Variants in TRIO observed in about 807,000 individuals in gnomAD.
TRIO encodes triple functional domain protein.
Under a neutral mutation model 351.9 loss-of-function variants are expected in TRIO, and 58 were observed. That is an observed-to-expected ratio of 0.16 (90% CI 0.13 to 0.21). The LOEUF (loss-of-function observed/expected upper bound fraction) is 0.21. TRIO is among the 10% of genes least tolerant of loss of function. The probability of loss-of-function intolerance (pLI) is 1.00; values close to 1 mark genes in which losing one functional copy is unlikely to be tolerated. For synonymous variants in TRIO, 1,758 were observed against 1,595.7 expected, an observed-to-expected ratio of 1.10 and a Z score of -2.42; for missense variants, 3,201 against 4,027.8, an observed-to-expected ratio of 0.79 and a Z score of 5.56.
At position 14,356,730 on chromosome 5, in the gene TRIO, C is replaced by CAGCA. The variant is rs1216410465; in HGVS notation, c.2047-1447_2047-1444dup. 5.1e-4 allele frequency among the ~76,000 whole-genome samples: 78 copies of CAGCA among 152,266 alleles called. 1 individual carries two copies. The highest frequency in any genetic ancestry group is 1.8e-3 in the African/African-American group (74 of 41,538). ...AACTGGAAATAACCGAGATGCCCAC[C>CAGCA]AGCAGATGAAGGGATCAATTGTGGT... On this transcript the variant is annotated intron_variant, in intron 11 of 56. Transcript: ENST00000344204.
chr5:14,316,793 A>G (rs750705841), intron 9 of TRIO, 50 bp downstream of exon 9: 3 of 1,543,110 alleles, frequency 1.9e-6, no homozygotes, highest in Non-Finnish European at 2.6e-6. Flanking sequence ...TGTGTTGAGT[A>G]GAGTTTAAAT....
intron 41 of TRIO, among the ~76,000 whole-genome samples, chr5:14,477,535 A>G (rs967885933): frequency 3.5e-4 from 54 of 152,330 alleles, no homozygotes; most frequent in African/African-American, 1.2e-3. Flanking sequence ...TCACACACAT[A>G]TAGTTAGAAA....
rs139550010 is a variant in TRIO, at chr5:14,406,107, A to C, written c.4859+117A>C. The C allele has an allele frequency of 7.5e-4, 1,048 of 1,393,666 alleles. 6 individuals are homozygous for C. In the African/African-American group the frequency reaches 0.014, roughly 18 times the overall value. The allele number at this position is 1,393,666 out of a possible 1,614,324, so 86.3% of individuals were successfully genotyped here. A position where few individuals can be genotyped will look rare whatever the true frequency, so the allele number is the denominator to read the frequency against. ...AAACATTTTGAGGAATACATTTTTT[A>C]AACTGCCATTTGTGGATAACATCAT... On this transcript the variant is annotated intron_variant, in intron 32 of 56. Transcript: ENST00000344204.
intron 33 of TRIO, among the ~76,000 whole-genome samples, chr5:14,410,007 G>T (rs905871055): frequency 3.3e-5 from 5 of 152,078 alleles, no homozygotes; most frequent in Admixed American, 6.5e-5. Context: ...TGACACTCCA[G>T]ACTCAGTTTC....
chr5:14,415,400 G>A (rs530424703), intron 33 of TRIO, among the ~76,000 whole-genome samples: 65 of 152,256 alleles, frequency 4.3e-4, no homozygotes, highest in African/African-American at 1.4e-3. Flanking sequence ...TATTGCCGCC[G>A]TCTATCGAGA....
chr5:14,383,877 G>A (rs771485951), intron 21 of TRIO, among the ~76,000 whole-genome samples: 1 of 152,148 alleles, frequency 6.6e-6, no homozygotes, highest in African/African-American at 2.4e-5. Context: ...TGCTTTTACT[G>A]TATAGAGAAT....
chr5:14,271,821 GTTT>G (rs1269198624), intron 2 of TRIO, among the ~76,000 whole-genome samples: 1 of 152,208 alleles, frequency 6.6e-6, no homozygotes, highest in Non-Finnish European at 1.5e-5. Context: ...GCTTTTATAA[GTTT>G]TTCTGTCCTT....
intron 8 of TRIO, among the ~76,000 whole-genome samples, chr5:14,308,243 A>G (rs1165847956): frequency 3.9e-5 from 6 of 152,056 alleles, no homozygotes; most frequent in Non-Finnish European, 5.9e-5. Flanking sequence ...CCATCCGTCT[A>G]TCTCTGCATC....
At chr5:14,416,622 TG>T (rs1749666417) in intron 33 of TRIO, among the ~76,000 whole-genome samples, 2 of 152,270 alleles carry the variant, frequency 1.3e-5, no homozygotes, top group South Asian at 4.1e-4. Flanking sequence ...TTATTTCTTA[TG>T]TGCTGTCAAG....
intron 1 of TRIO, among the ~76,000 whole-genome samples, chr5:14,265,391 T>G (rs1357492382): frequency 6.7e-6 from 1 of 149,628 alleles, no homozygotes; most frequent in Non-Finnish European, 1.5e-5. Context: ...TCTGCCAGTG[T>G]CCTGGGAGAA....
At position 14,227,051 on chromosome 5, in the gene TRIO, A is replaced by T. The variant is rs116774849; in HGVS notation, c.158-43774A>T. Among the ~76,000 whole-genome samples, 468 of 152,312 alleles carry T rather than the reference A, an allele frequency of 3.1e-3. 3 individuals carry two copies. Among genetic ancestry groups the T allele is most frequent in the African/African-American group, 0.011 (455 of 41,566 alleles). On this transcript the variant is annotated intron_variant, in intron 1 of 56. Coordinates refer to ENST00000344204, the MANE Select transcript of TRIO (RefSeq NM_007118.4). ...AACTCACAACTGCTGGGACATGGAGAGTTGAGGCACATGAGACAGCTTTGG... is the reference window on the plus strand; with the variant it reads ...AACTCACAACTGCTGGGACATGGAGTGTTGAGGCACATGAGACAGCTTTGG...
intron 1 of TRIO, among the ~76,000 whole-genome samples, chr5:14,208,161 CCTT>C (rs1791659146): frequency 6.8e-6 from 1 of 147,074 alleles, no homozygotes; most frequent in African/African-American, 2.5e-5. Flanking sequence ...CTGTGTATCT[CCTT>C]CTAAATAAAT....
chr5:14,369,458 T>C lies in TRIO; in HGVS notation c.3151T>C (p.Ser1051Pro). The C allele has an allele frequency of 1.2e-6, 2 of 1,614,074 alleles. No homozygotes were observed. Among genetic ancestry groups the C allele is most frequent in the Non-Finnish European group, 1.7e-6 (2 of 1,180,020 alleles). Reference sequence around the variant, plus strand: ...CGGGGCGGATAAGCTGGGCCCAAACTCTGAGACGGACCACGTGACGCCCAT... The same window carrying C: ...CGGGGCGGATAAGCTGGGCCCAAACCCTGAGACGGACCACGTGACGCCCAT... ...CGGADKLGPN[S>P]ETDHVTPMIS... The change falls in exon 18 of 57, where the codon TCT (serine) becomes CCT (proline). Residue 1051 changes from serine to proline, a missense_variant. Around this residue, in one of 19 missense-constraint regions of TRIO, gnomAD observed 363 missense variants for 553.5 expected, o/e 0.66. Coordinates refer to ENST00000344204, the MANE Select transcript of TRIO (RefSeq NM_007118.4).
chr5:14,298,773 AT>A (rs1237753148), intron 7 of TRIO, among the ~76,000 whole-genome samples: 1 of 152,190 alleles, frequency 6.6e-6, no homozygotes, highest in Admixed American at 6.5e-5. Flanking sequence ...AATGGTAAGG[AT>A]TTTTCTACTT....
chr5:14,238,069 A>G (rs903178727), intron 1 of TRIO, among the ~76,000 whole-genome samples: 3 of 152,226 alleles, frequency 2.0e-5, no homozygotes, highest in Non-Finnish European at 4.4e-5. Flanking sequence ...TTAAGTGATT[A>G]TAATATTTAG....
intron 32 of TRIO, 28 bp from the exon 33 acceptor site, chr5:14,406,545 G>C: frequency 1.2e-6 from 2 of 1,609,318 alleles, no homozygotes; most frequent in Non-Finnish European, 1.7e-6. Context: ...AGCAGCATCA[G>C]GAACTAAAAG....
At chr5:14,459,215 G>A (rs1040575390) in intron 34 of TRIO, among the ~76,000 whole-genome samples, 74 of 152,286 alleles carry the variant, frequency 4.9e-4, no homozygotes, top group African/African-American at 1.7e-3. Context: ...TCCCAGCGTC[G>A]GAAGCACTTG....
intron 28 of TRIO, among the ~76,000 whole-genome samples, chr5:14,395,840 T>TG (rs1747514802): frequency 6.6e-6 from 1 of 152,094 alleles, no homozygotes; most frequent in Non-Finnish European, 1.5e-5. Context: ...CATCAGGAGA[T>TG]GGAGACCATC....
chr5:14,163,702 T>C (rs1390133403), intron 1 of TRIO, among the ~76,000 whole-genome samples: 2 of 152,246 alleles, frequency 1.3e-5, no homozygotes, highest in African/African-American at 4.8e-5. Context: ...AGAGTAGATA[T>C]GTACCTAAAA....
Sources: gnomAD v4.1 joint callset for allele counts (sites outside exome capture counted in the v4.1 genomes callset) on GRCh38, gnomAD v4.1.1 for gene constraint, gnomAD v4.1.1 regional missense constraint, MANE v1.5 for transcripts, NCBI Gene and HGNC (gene_info 2026-07-23, HGNC 2026-07-21) for gene names.